The following CTNND2 variants were observed in gnomAD, a reference collection of about 807,000 sequenced individuals.
CTNND2 encodes catenin delta 2.
In CTNND2, 22 loss-of-function variants were observed where a neutral mutation model predicts 144.4. That is an observed-to-expected ratio of 0.15 (90% CI 0.11 to 0.22). CTNND2 has a LOEUF of 0.22. Among genes scored for constraint, CTNND2 ranks in the 10% least tolerant of loss-of-function variants. CTNND2 has a pLI of 1.00. For missense variants in CTNND2, 1,353 were observed against 1,618.8 expected (o/e 0.84, Z 2.82); for synonymous variants, 751 against 695.6 (o/e 1.08, Z -1.25).
chr5:11,104,385 C>G (rs1285033237), intron 14 of CTNND2, among the ~76,000 whole-genome samples: 1 of 152,152 alleles, frequency 6.6e-6, no homozygotes, highest in African/African-American at 2.4e-5. Flanking sequence ...AATGTTCTCT[C>G]AAGCAGGGTT....
intron 11 of CTNND2, among the ~76,000 whole-genome samples, chr5:11,168,628 C>CT (rs889529486): frequency 2.6e-5 from 4 of 152,154 alleles, no homozygotes; most frequent in Non-Finnish European, 4.4e-5. Flanking sequence ...GGTCCTGGAA[C>CT]TTTTTTCCTA....
chr5:11,301,770 G>A (rs955034029), intron 9 of CTNND2, among the ~76,000 whole-genome samples: 3 of 152,136 alleles, frequency 2.0e-5, no homozygotes, highest in Non-Finnish European at 4.4e-5. Context: ...ACTACATTTC[G>A]ATCACAAGCA....
chr5:10,980,621 C>G (rs1481901542), intron 21 of CTNND2, among the ~76,000 whole-genome samples: 1 of 152,144 alleles, frequency 6.6e-6, no homozygotes, highest in Non-Finnish European at 1.5e-5. Context: ...GCACTCTATT[C>G]ACAATAGCAA....
intron 1 of CTNND2, among the ~76,000 whole-genome samples, chr5:11,774,360 T>C (rs1452639861): frequency 7.9e-6 from 1 of 126,162 alleles, no homozygotes; most frequent in African/African-American, 3.1e-5. Flanking sequence ...TGAGATCACA[T>C]GGACACAGGA....
In CTNND2 at chr5:11,903,813, T is replaced by G. The variant is rs1738112368; in HGVS notation, c.37+4A>C. ...GGCCCCGGCCGCCCAGCCCCGCAAC[T>G]CACCCAAAGGCGCGGCGCCCGGCGG... On this transcript the variant is annotated splice_donor_region_variant and intron_variant, in intron 1 of 21. Coordinates refer to ENST00000304623, the MANE Select transcript of CTNND2 (RefSeq NM_001332.4). The surrounding 1 kb of genome is among the most constrained non-coding windows in gnomAD (Gnocchi z 5.4). 6.8e-7 allele frequency: 1 copy of G among 1,481,262 alleles called. No individual in the cohort carries two copies. The highest frequency in any genetic ancestry group is 1.5e-5 in the African/African-American group (1 of 67,924). The allele number at this position is 1,481,262 out of a possible 1,614,324, so 91.8% of individuals were successfully genotyped here. A position where few individuals can be genotyped will look rare whatever the true frequency, so the allele number is the denominator to read the frequency against.
intron 3 of CTNND2, among the ~76,000 whole-genome samples, chr5:11,557,515 G>A (rs1369351093): frequency 4.6e-5 from 7 of 152,030 alleles, no homozygotes; most frequent in Admixed American, 1.3e-4. Flanking sequence ...AAGCCCCTCC[G>A]TCTTCAAAGC....
chr5:11,793,516 T>C (rs1397303337), intron 1 of CTNND2, among the ~76,000 whole-genome samples: 1 of 152,156 alleles, frequency 6.6e-6, no homozygotes, highest in Non-Finnish European at 1.5e-5. Context: ...CCTAAACCAA[T>C]ATGACAGATG....
At chr5:11,374,277 T>C in intron 7 of CTNND2, among the ~76,000 whole-genome samples, 1 of 152,202 alleles carries the variant, frequency 6.6e-6, no homozygotes, top group East Asian at 1.9e-4. Context: ...TTGTAATATC[T>C]TTGTACAGAA....
chr5:11,184,153 T>C (rs1735386331), intron 11 of CTNND2, among the ~76,000 whole-genome samples: 1 of 152,166 alleles, frequency 6.6e-6, no homozygotes, highest in African/African-American at 2.4e-5. Flanking sequence ...TGCCTCTCAC[T>C]AACGATGGAG....
At chr5:11,356,803 A>C (rs1013066179) in intron 8 of CTNND2, among the ~76,000 whole-genome samples, 1 of 151,974 alleles carries the variant, frequency 6.6e-6, no homozygotes, top group African/African-American at 2.4e-5. Flanking sequence ...AACATCCAGA[A>C]TATATAAGAA....
At chr5:11,265,185 A>G (rs914646466) in intron 9 of CTNND2, among the ~76,000 whole-genome samples, 2 of 152,222 alleles carry the variant, frequency 1.3e-5, no homozygotes, top group Non-Finnish European at 2.9e-5. Flanking sequence ...AAGAAGTTAC[A>G]TATGTTAGAA....
chr5:11,877,905 T>C (rs868335439), intron 1 of CTNND2, among the ~76,000 whole-genome samples: 6 of 152,268 alleles, frequency 3.9e-5, no homozygotes, highest in African/African-American at 1.4e-4. Context: ...TTAAACTATA[T>C]ATAAATCCAT....
chr5:11,775,469 C>T (rs901189578), intron 1 of CTNND2, among the ~76,000 whole-genome samples: 6 of 152,232 alleles, frequency 3.9e-5, no homozygotes, highest in Non-Finnish European at 8.8e-5. Context: ...AACTGTCTAG[C>T]ATGTCCCCCC....
At chr5:11,436,953 C>T (rs557089298) in intron 3 of CTNND2, among the ~76,000 whole-genome samples, 24 of 152,230 alleles carry the variant, frequency 1.6e-4, no homozygotes, top group Non-Finnish European at 2.9e-4. Flanking sequence ...CCAACCTAAT[C>T]CACTAAATCT....
chr5:11,747,114 T>C (rs549549764), intron 1 of CTNND2, among the ~76,000 whole-genome samples: 18 of 152,252 alleles, frequency 1.2e-4, no homozygotes, highest in African/African-American at 4.1e-4. Flanking sequence ...TACTACAAAT[T>C]AGATAGTGAC....
At chr5:11,773,885 G>A (rs956401845) in intron 1 of CTNND2, among the ~76,000 whole-genome samples, 12 of 150,432 alleles carry the variant, frequency 8.0e-5, no homozygotes, top group African/African-American at 2.2e-4. Context: ...AAATCATCAT[G>A]TATTAATAGA....
chr5:11,060,145 A>G (rs1305127575), intron 16 of CTNND2, among the ~76,000 whole-genome samples: 1 of 152,144 alleles, frequency 6.6e-6, no homozygotes, highest in East Asian at 1.9e-4. Context: ...AATGGAAGAT[A>G]AGTTCACAAC....
At chr5:11,006,417 G>A (rs933085501) in intron 18 of CTNND2, among the ~76,000 whole-genome samples, 6 of 152,208 alleles carry the variant, frequency 3.9e-5, no homozygotes, top group African/African-American at 9.6e-5. Flanking sequence ...CGGCCCTTAC[G>A]GCGTGCCAGA....
intron 1 of CTNND2, among the ~76,000 whole-genome samples, chr5:11,830,031 T>C (rs568767910): frequency 1.3e-5 from 2 of 152,332 alleles, no homozygotes; most frequent in South Asian, 2.1e-4. Context: ...GATTTTGGAC[T>C]TGCATAGGGA....
Sources: gnomAD v4.1 joint callset for allele counts (sites outside exome capture counted in the v4.1 genomes callset) on GRCh38, gnomAD v4.1.1 for gene constraint, Gnocchi (gnomAD v3.1) non-coding constraint, MANE v1.5 for transcripts, NCBI Gene and HGNC (gene_info 2026-07-23, HGNC 2026-07-21) for gene names.